Variants in DMTF1 observed in about 807,000 individuals in gnomAD.
DMTF1 encodes the protein cyclin-D-binding Myb-like transcription factor 1.
DMTF1 carries 39 observed loss-of-function variants against 91.1 expected under a neutral mutation model. The observed-to-expected ratio is 0.43, with a 90% CI of 0.33 to 0.56. DMTF1 has a LOEUF of 0.56. Among genes scored for constraint, DMTF1 ranks in the 20% least tolerant of loss-of-function variants. The probability of loss-of-function intolerance (pLI) is 0.05; values close to 1 mark genes in which losing one functional copy is unlikely to be tolerated. For missense variants in DMTF1, 750 were observed against 914.5 expected, an observed-to-expected ratio of 0.82 and a Z score of 2.32; for synonymous variants, 338 against 309.5, an observed-to-expected ratio of 1.09 and a Z score of -0.97.
Position 87,184,414 on chromosome 7 carries a change from GAAGAA to G in DMTF1, c.843_847del (p.Lys282ThrfsTer7). The G allele has an allele frequency of 6.2e-7, 1 of 1,613,780 alleles. No homozygotes were observed. The highest frequency in any genetic ancestry group is 8.5e-7 in the Non-Finnish European group (1 of 1,179,840). On this transcript the variant is annotated frameshift_variant, in exon 11 of 18. Coordinates refer to ENST00000331242, the MANE Select transcript of DMTF1 (RefSeq NM_001142327.2). LOFTEE classifies it high-confidence loss of function. ...TTTTTCAGGGAAGTGGACAGAAGAA[GAAGAA>G]AAGAGACTTGCAGAAGTGGTTCATG...
At chr7:87,169,634 C>T (rs1438419123) in intron 4 of DMTF1, among the ~76,000 whole-genome samples, 1 of 152,152 alleles carries the variant, frequency 6.6e-6, no homozygotes, top group Non-Finnish European at 1.5e-5. Flanking sequence ...TTTCCCAGCT[C>T]TCCAAAGACC....
intron 11 of DMTF1, 47 bp downstream of exon 11, chr7:87,184,672 G>A: frequency 6.5e-7 from 1 of 1,534,804 alleles, no homozygotes; most frequent in East Asian, 2.3e-5. Flanking sequence ...TAATTTCTGT[G>A]GATGTCTTGA....
At chr7:87,169,735 C>A (rs1453818639) in intron 4 of DMTF1, among the ~76,000 whole-genome samples, 2 of 152,172 alleles carry the variant, frequency 1.3e-5, no homozygotes, top group African/African-American at 2.4e-5. Context: ...CTCCCTCCTC[C>A]CTGAAACGTT....
intron 11 of DMTF1, chr7:87,185,112 C>A: frequency 4.1e-6 from 1 of 244,398 alleles, no homozygotes; most frequent in African/African-American, 2.3e-5. Flanking sequence ...CATACAAATT[C>A]AAAAAAGCTT....
Position 87,194,834 on chromosome 7 carries a change from GTAATA to G in DMTF1, c.2173+12_2173+16del, listed in dbSNP as rs757069062. Reference sequence around the variant, plus strand: ...GCCTTTGACAACACTAACAGGTACTGTAATATAATACTTACTATGTGCCTGATAAA... The same window carrying G: ...GCCTTTGACAACACTAACAGGTACTGTAATACTTACTATGTGCCTGATAAA... On this transcript the variant is annotated splice_region_variant and intron_variant, in intron 17 of 17. Transcript: ENST00000331242. 6.2e-7 allele frequency: 1 copy of G among 1,602,602 alleles called. No homozygotes were observed. Among genetic ancestry groups the G allele is most frequent in the Non-Finnish European group, 8.5e-7 (1 of 1,174,894 alleles).
In DMTF1 at chr7:87,193,348, T is replaced by C; in HGVS notation, c.1645T>C (p.Leu549=). Residue 549 remains leucine (L), a synonymous_variant, in exon 15 of 18, where the codon TTA becomes CTA. Transcript: ENST00000331242. ...TCCTGAACAGATTATTGTTCATGCT[T>C]TATCCGTATGTTACATAAATTACTT... ...ASPEQIIVHA[L]SPEHLLNTSD... is the part of the protein sequence containing the mutation. The C allele has an allele frequency of 6.2e-7, 1 of 1,613,136 alleles. No homozygotes were observed. Among genetic ancestry groups the C allele is most frequent in the Non-Finnish European group, 8.5e-7 (1 of 1,179,412 alleles).
chr7:87,186,806 T>C (rs576622870), intron 12 of DMTF1: 1 of 152,302 alleles, frequency 6.6e-6, no homozygotes, highest in African/African-American at 2.4e-5. Flanking sequence ...GATGATCCCA[T>C]GACAGAATCA....
chr7:87,185,729 C>A, intron 11 of DMTF1, 100 bp from the exon 12 acceptor site: 1 of 1,322,604 alleles, frequency 7.6e-7, no homozygotes, highest in Non-Finnish European at 1.1e-6. Flanking sequence ...GCATAACCTG[C>A]CATTCCCTTT....
chr7:87,194,961 T>C, intron 17 of DMTF1, 70 bp from the exon 18 acceptor site: 2 of 1,456,214 alleles, frequency 1.4e-6, no homozygotes, highest in Non-Finnish European at 1.9e-6. Flanking sequence ...TGTGGTAGAA[T>C]ACCTTAAATT....
At chr7:87,170,929 G>T in intron 4 of DMTF1, 66 bp from the exon 5 acceptor site, 2 of 1,058,414 alleles carry the variant, frequency 1.9e-6, no homozygotes, top group Non-Finnish European at 2.9e-6. Flanking sequence ...TTTTCCCATG[G>T]ATATTTTTAG....
At chr7:87,168,716 G>A (rs1469114143) in intron 4 of DMTF1, among the ~76,000 whole-genome samples, 1 of 152,070 alleles carries the variant, frequency 6.6e-6, no homozygotes, top group Non-Finnish European at 1.5e-5. Context: ...GAGAAAAATG[G>A]CACAAGCAGG....
Position 87,194,088 on chromosome 7 carries a change from G to A in DMTF1, c.2014G>A (p.Ala672Thr). The change falls in exon 16 of 18, where the codon GCT becomes ACT. Residue 672 changes from alanine to threonine, a missense_variant. Ala to Thr is a moderately conservative substitution (Grantham distance 58, BLOSUM62 0). Transcript: ENST00000331242. Reference sequence around the variant, plus strand: ...GGAATCACCCTCTGATTTAGCCAGTGCTTATGTTACTGAGGTAAGTTGTAC... The same window carrying A: ...GGAATCACCCTCTGATTTAGCCAGTACTTATGTTACTGAGGTAAGTTGTAC... Reference protein sequence around the residue: ...QEESPSDLASAYVTEGLESPT... With the variant: ...QEESPSDLASTYVTEGLESPT... The A allele has an allele frequency of 6.3e-7, 1 of 1,591,146 alleles. No individual in the cohort carries two copies. The highest frequency in any genetic ancestry group is 8.6e-7 in the Non-Finnish European group (1 of 1,168,806).
chr7:87,180,444 AAGTG>A (rs1797086107), intron 8 of DMTF1, among the ~76,000 whole-genome samples: 1 of 152,260 alleles, frequency 6.6e-6, no homozygotes, highest in Non-Finnish European at 1.5e-5. Context: ...AATGGTTACA[AAGTG>A]AGCAGCGTTT....
At chr7:87,194,972 C>T in intron 17 of DMTF1, 59 bp from the exon 18 acceptor site, 1 of 1,500,264 alleles carries the variant, frequency 6.7e-7, no homozygotes, top group South Asian at 1.2e-5. Flanking sequence ...ACCTTAAATT[C>T]TTGACATGGA....
intron 2 of DMTF1, among the ~76,000 whole-genome samples, chr7:87,164,081 T>G (rs900521710): frequency 7.0e-6 from 1 of 142,508 alleles, no homozygotes; most frequent in South Asian, 2.3e-4. Flanking sequence ...AAAAAAAAGC[T>G]TAATAAACAT....
At position 87,194,762 on chromosome 7, in the gene DMTF1, C is replaced by T. The variant is rs1167286438; in HGVS notation, c.2107C>T (p.His703Tyr). ...AACAATACTTATCGTTCCTTCACCACATGGCTTTATCCAGGCATCTGATGT... is the reference window on the plus strand; with the variant it reads ...AACAATACTTATCGTTCCTTCACCATATGGCTTTATCCAGGCATCTGATGT... ...DETILIVPSP[H>Y]GFIQASDVID... The change falls in exon 17 of 18, where the codon CAT (histidine) becomes TAT (tyrosine). Residue 703 changes from histidine (H) to tyrosine (Y), a missense_variant. Coordinates refer to ENST00000331242, the MANE Select transcript of DMTF1 (RefSeq NM_001142327.2). The T allele has an allele frequency of 7.4e-6, 12 of 1,611,826 alleles. No homozygotes were observed. Among genetic ancestry groups the T allele is most frequent in the Non-Finnish European group, 1.0e-5 (12 of 1,178,648 alleles).
intron 4 of DMTF1, among the ~76,000 whole-genome samples, chr7:87,166,963 A>C (rs771167008): frequency 5.9e-5 from 9 of 152,206 alleles, no homozygotes; most frequent in Non-Finnish European, 1.2e-4. Flanking sequence ...TAAAGATAAT[A>C]AAATTGTTTG....
intron 1 of DMTF1, among the ~76,000 whole-genome samples, chr7:87,158,174 T>G (rs1584177231): frequency 6.6e-6 from 1 of 152,090 alleles, no homozygotes; most frequent in African/African-American, 2.4e-5. Context: ...TTGTATTGAT[T>G]ATTAATGAAA....
chr7:87,183,088 A>T (rs1476549311), intron 10 of DMTF1, among the ~76,000 whole-genome samples: 2 of 150,852 alleles, frequency 1.3e-5, no homozygotes, highest in African/African-American at 2.4e-5. Flanking sequence ...TGTTGCAATT[A>T]AAAAAAAAAT....
Sources: gnomAD v4.1 joint callset for allele counts (sites outside exome capture counted in the v4.1 genomes callset) on GRCh38, gnomAD v4.1.1 for gene constraint, MANE v1.5 for transcripts, NCBI Gene and HGNC (gene_info 2026-07-23, HGNC 2026-07-21) for gene names.